Variants in TRPM3 observed in about 807,000 individuals in gnomAD.
TRPM3 encodes the protein long transient receptor potential channel 3.
In TRPM3, 77 loss-of-function variants were observed where a neutral mutation model predicts 181.2. The ratio of observed to expected loss-of-function variants is 0.42; its 90% CI spans 0.35 to 0.51. TRPM3 has a LOEUF of 0.51. TRPM3 is among the 20% of genes least tolerant of loss of function. The pLI, the probability that TRPM3 is intolerant of heterozygous loss-of-function variation, is 0.01. For synonymous variants in TRPM3, 745 were observed against 796.4 expected (o/e 0.94, Z 1.09); for missense variants, 1,759 against 2,196.7 (o/e 0.80, Z 3.98).
intron 1 of TRPM3, among the ~76,000 whole-genome samples, chr9:70,872,586 GTCCCTCACATTACCTGCCA>G (rs1455777235): frequency 6.6e-6 from 1 of 151,812 alleles, no homozygotes; most frequent in Non-Finnish European, 1.5e-5. Flanking sequence ...TTTCCTCATA[GTCCCTCACATTACCTGCCA>G]TTGTGCTGTG....
Position 71,315,418 on chromosome 9 carries a change from C to T in TRPM3, c.183+131235G>A, listed in dbSNP as rs560095660. On this transcript the variant is annotated intron_variant, in intron 1 of 24. Transcript: ENST00000357533. ...TGGGGAGGAAGAGGCATTTTTCAAA[C>T]TTCCCATACATTTGAAACTGAGAAA... Among the ~76,000 whole-genome samples, 302 of 152,232 alleles carry T rather than the reference C, an allele frequency of 2.0e-3. 1 individual carries two copies. Among genetic ancestry groups the T allele is most frequent in the African/African-American group, 6.9e-3 (285 of 41,534 alleles).
chr9:71,194,253 T>C (rs1040700492), intron 1 of TRPM3, among the ~76,000 whole-genome samples: 1 of 151,900 alleles, frequency 6.6e-6, no homozygotes, highest in African/African-American at 2.4e-5. Context: ...GTAAGTGTGT[T>C]CATACGTGGG....
chr9:71,039,727 T>C (rs1026427016), intron 1 of TRPM3, among the ~76,000 whole-genome samples: 5 of 152,174 alleles, frequency 3.3e-5, no homozygotes, highest in African/African-American at 1.2e-4. Flanking sequence ...CATTTAACTT[T>C]TCTCTGTCTC....
intron 1 of TRPM3, among the ~76,000 whole-genome samples, chr9:71,140,313 C>A (rs1451409044): frequency 6.6e-6 from 1 of 152,080 alleles, no homozygotes; most frequent in Non-Finnish European, 1.5e-5. Context: ...AGTCACAAAC[C>A]TAGGAAGTGG....
In TRPM3 at chr9:71,420,978, A is replaced by AGAGAAAAAGGGAGAGAAAAAGG. The variant is rs1563912438; in HGVS notation, c.183+25674_183+25675insCCTTTTTCTCTCCCTTTTTCTC. Among the ~76,000 whole-genome samples, 37 of 59,778 alleles carry AGAGAAAAAGGGAGAGAAAAAGG rather than the reference A, an allele frequency of 6.2e-4. 1 individual carries two copies. Among genetic ancestry groups the AGAGAAAAAGGGAGAGAAAAAGG allele is most frequent in the East Asian group, 1.7e-3 (3 of 1,720 alleles). The allele number at this position is 59,778 out of a possible 152,430, so 39.2% of individuals were successfully genotyped here. On this transcript the variant is annotated intron_variant, in intron 1 of 24. Coordinates refer to the TRPM3 transcript ENST00000357533. ...GGGAGAGAAAAAGGGAGAGAAAAAG[A>AGAGAAAAAGGGAGAGAAAAAGG]GAGAGAAAAAGAGAGAGAAAAAGAG...
chr9:70,803,483 G>A (rs10868892), intron 6 of TRPM3, among the ~76,000 whole-genome samples: 36,210 of 132,466 alleles, frequency 0.27, 5,465 homozygotes, highest in East Asian at 0.39. Flanking sequence ...ACGGAGTCTC[G>A]CTCAGCCTGG....
chr9:71,125,760 T>C (rs2073993827), upstream of TRPM3, among the ~76,000 whole-genome samples: 1 of 152,186 alleles, frequency 6.6e-6, no homozygotes. Flanking sequence ...CCCAAAACTA[T>C]AACAACCCTA....
At position 70,598,300 on chromosome 9, in the gene TRPM3, C is replaced by A. The variant is rs955119480; in HGVS notation, c.3048+119G>T. ...CAAAAGGAATTCATAAAATAAAACA[C>A]CTCTAGGGCCATCTCATTTAGACTT... is the stretch of plus-strand genomic sequence containing the variant. On this transcript the variant is annotated intron_variant, in intron 21 of 25. Transcript: ENST00000677713. 5 of 1,347,042 alleles carry A rather than the reference C, an allele frequency of 3.7e-6. No individual in the cohort carries two copies. In the African/African-American group the frequency reaches 7.3e-5, roughly 20 times the overall value. The allele number at this position is 1,347,042 out of a possible 1,614,324, so 83.4% of individuals were successfully genotyped here.
chr9:71,412,293 C>T (rs2093565463), intron 1 of TRPM3, among the ~76,000 whole-genome samples: 1 of 152,074 alleles, frequency 6.6e-6, no homozygotes, highest in Admixed American at 6.5e-5. Context: ...AAAGAAACTA[C>T]CATCAGAATG....
intron 1 of TRPM3, among the ~76,000 whole-genome samples, chr9:71,436,144 T>A (rs924222285): frequency 2.0e-5 from 3 of 152,114 alleles, no homozygotes; most frequent in Admixed American, 2.0e-4. Flanking sequence ...CAGGGGTTTC[T>A]GCTTTTGCTT....
intron 1 of TRPM3, 42 bp downstream of exon 1, chr9:71,121,136 A>T: frequency 6.3e-7 from 1 of 1,585,066 alleles, no homozygotes; most frequent in South Asian, 1.1e-5. Flanking sequence ...TTTAAATCTA[A>T]AAAGCACAAT....
At chr9:70,813,401 G>A (rs2092340985) in intron 6 of TRPM3, among the ~76,000 whole-genome samples, 1 of 152,150 alleles carries the variant, frequency 6.6e-6, no homozygotes, top group South Asian at 2.1e-4. Context: ...ATTATCCTAG[G>A]CAAATTAACA....
At chr9:71,315,627 C>T (rs747356834) in intron 1 of TRPM3, among the ~76,000 whole-genome samples, 3 of 152,056 alleles carry the variant, frequency 2.0e-5, no homozygotes, top group Non-Finnish European at 4.4e-5. Flanking sequence ...TTTCCTCCAG[C>T]TCATTTATTA....
At position 70,536,213 on chromosome 9, in the gene TRPM3, T is replaced by A. The variant is rs771483626; in HGVS notation, c.4900A>T (p.Thr1634Ser). The change falls in exon 26 of 26, where the codon ACC becomes TCC. Residue 1634 changes from threonine (T) to serine (S), a missense_variant. Thr to Ser is a moderately conservative substitution (Grantham distance 58, BLOSUM62 1). Transcript: ENST00000677713. ...SSQEGDNSER[T>S]LSNNITVPKI... is the part of the protein sequence containing the mutation. Reference sequence around the variant, plus strand: ...GGAACAGTGATGTTGTTGGACAGGGTTCTCTCTGAGTTATCACCCTCCTGG... The same window carrying A: ...GGAACAGTGATGTTGTTGGACAGGGATCTCTCTGAGTTATCACCCTCCTGG... The A allele has an allele frequency of 1.2e-6, 2 of 1,614,104 alleles. No homozygotes were observed. Among genetic ancestry groups the A allele is most frequent in the Non-Finnish European group, 1.7e-6 (2 of 1,180,044 alleles).
intron 8 of TRPM3, among the ~76,000 whole-genome samples, chr9:70,753,812 A>G (rs903412485): frequency 4.1e-5 from 6 of 145,990 alleles, no homozygotes; most frequent in Non-Finnish European, 4.4e-5. Context: ...GAGTGGAGGC[A>G]TGATTCCCAG....
intron 9 of TRPM3, among the ~76,000 whole-genome samples, chr9:70,673,586 T>C (rs2063393858): frequency 1.3e-5 from 2 of 152,188 alleles, no homozygotes; most frequent in Non-Finnish European, 2.9e-5. Context: ...ATTTTGACTT[T>C]GTAGATTGCT....
intron 1 of TRPM3, among the ~76,000 whole-genome samples, chr9:71,291,563 C>T (rs1375595617): frequency 6.6e-6 from 1 of 151,966 alleles, no homozygotes; most frequent in African/African-American, 2.4e-5. Flanking sequence ...CACTACTCAT[C>T]AAAATAGACC....
At chr9:70,648,936 A>G (rs1474353594) in intron 9 of TRPM3, among the ~76,000 whole-genome samples, 1 of 152,202 alleles carries the variant, frequency 6.6e-6, no homozygotes, top group Non-Finnish European at 1.5e-5. Flanking sequence ...AGCACCTGGC[A>G]CAGATTTCAT....
At chr9:71,286,779 T>A (rs1421250746) in intron 1 of TRPM3, among the ~76,000 whole-genome samples, 2 of 151,730 alleles carry the variant, frequency 1.3e-5, no homozygotes, top group Non-Finnish European at 2.9e-5. Context: ...TTGTTGTGTT[T>A]CAGCTATACT....
Sources: allele counts gnomAD v4.1 joint callset (sites outside exome capture counted in the v4.1 genomes callset), GRCh38; gene constraint gnomAD v4.1.1; transcripts MANE v1.5; gene names NCBI Gene and HGNC (gene_info 2026-07-23, HGNC 2026-07-21).